The following DCBLD2 variants were observed in gnomAD, a reference collection of about 807,000 sequenced individuals.
DCBLD2 encodes discoidin, CUB and LCCL domain-containing protein 2.
A neutral mutation model predicts 86.8 loss-of-function variants in DCBLD2; 54 were observed. The ratio of observed to expected loss-of-function variants is 0.62; its 90% CI spans 0.50 to 0.78. The LOEUF is 0.78. DCBLD2 is among the 30% of genes least tolerant of loss of function. The probability of loss-of-function intolerance (pLI) is 0.00; values close to 1 mark genes in which losing one functional copy is unlikely to be tolerated. For synonymous variants in DCBLD2, 354 were observed against 341.3 expected (o/e 1.04, Z -0.41); for missense variants, 908 against 954.2 (o/e 0.95, Z 0.64).
chr3:98,901,009 C>A, intron 1 of DCBLD2, 113 bp downstream of exon 1: 1 of 1,503,338 alleles, frequency 6.7e-7, no homozygotes, highest in Middle Eastern at 2.4e-4. Context: ...GGTCCGGCCA[C>A]GCACGAAAGC....
chr3:98,844,549 G>A (rs1270741788), intron 3 of DCBLD2, among the ~76,000 whole-genome samples: 1 of 152,010 alleles, frequency 6.6e-6, no homozygotes, highest in Non-Finnish European at 1.5e-5. Context: ...TTTTAGTAAA[G>A]ACAGGTTTTC....
rs60463776 is a variant in DCBLD2, at chr3:98,870,737, A to AAG, written c.433+10802_433+10803insCT. ...AAGAAAAAGGAAAAGAAAAGAAAGA[A>AAG]AAAGAAAGAAAGAAAGAAAGAAAGA... On this transcript the variant is annotated intron_variant, in intron 2 of 15. Coordinates refer to ENST00000326840, the MANE Select transcript of DCBLD2 (RefSeq NM_080927.4). Among the ~76,000 whole-genome samples the AAG allele has an allele frequency of 9.0e-3, 627 of 69,806 alleles. 13 individuals carry two copies. Among genetic ancestry groups the AAG allele is most frequent in the African/African-American group, 0.033 (574 of 17,454 alleles). 45.8% of individuals were successfully genotyped at this position (69,806 alleles called of 152,430 possible).
chr3:98,861,228 G>C (rs1221013198), intron 2 of DCBLD2, among the ~76,000 whole-genome samples: 4 of 152,036 alleles, frequency 2.6e-5, no homozygotes, highest in Non-Finnish European at 5.9e-5. Flanking sequence ...CATAAAGCAA[G>C]TCCTTAGAGA....
At chr3:98,884,763 T>C (rs1052676092) in intron 1 of DCBLD2, among the ~76,000 whole-genome samples, 1 of 152,184 alleles carries the variant, frequency 6.6e-6, no homozygotes, top group Admixed American at 6.5e-5. Flanking sequence ...AGGCAGCTTT[T>C]AAGGTGATTG....
chr3:98,838,783 G>A (rs1240547274), intron 3 of DCBLD2, among the ~76,000 whole-genome samples: 7 of 152,102 alleles, frequency 4.6e-5, no homozygotes, highest in Non-Finnish European at 8.8e-5. Flanking sequence ...ACGAGACTCC[G>A]TCTGCAATCC....
intron 3 of DCBLD2, among the ~76,000 whole-genome samples, chr3:98,846,519 T>G (rs1184938459): frequency 6.6e-6 from 1 of 152,198 alleles, no homozygotes; most frequent in Non-Finnish European, 1.5e-5. Context: ...TGAATATAGT[T>G]CAGGCAATTC....
Position 98,901,522 on chromosome 3 carries a change from C to A in DCBLD2, c.-196G>T, listed in dbSNP as rs965229657. ...TCCTTCGTCCCTTCCCTCCGCTCCC[C>A]GCGCCGAGACCCCAGGCCGGAGCGC... is the stretch of plus-strand genomic sequence containing the variant. On this transcript the variant is annotated 5_prime_UTR_variant, in exon 1 of 16. Coordinates refer to ENST00000326840, the MANE Select transcript of DCBLD2 (RefSeq NM_080927.4). The A allele has an allele frequency of 2.2e-6, 1 of 454,412 alleles. No homozygotes were observed. The highest frequency in any genetic ancestry group is 3.5e-6 in the Non-Finnish European group (1 of 286,680). The allele number at this position is 454,412 out of a possible 1,614,324, so 28.1% of individuals were successfully genotyped here. A position where few individuals can be genotyped will look rare whatever the true frequency, so the allele number is the denominator to read the frequency against.
chr3:98,844,614 C>T (rs560273543), intron 3 of DCBLD2, among the ~76,000 whole-genome samples: 1 of 152,214 alleles, frequency 6.6e-6, no homozygotes, highest in African/African-American at 2.4e-5. Flanking sequence ...CCACCCGCTT[C>T]GGCCTCCCAA....
At chr3:98,834,369 C>T (rs1324391250) in intron 3 of DCBLD2, among the ~76,000 whole-genome samples, 3 of 147,930 alleles carry the variant, frequency 2.0e-5, no homozygotes, top group African/African-American at 7.4e-5. Context: ...ACCATAGTCA[C>T]CTTACTGATC....
At chr3:98,834,193 G>C (rs1232755397) in intron 3 of DCBLD2, among the ~76,000 whole-genome samples, 1 of 124,464 alleles carries the variant, frequency 8.0e-6, no homozygotes, top group East Asian at 2.7e-4. Flanking sequence ...CATAATAGAT[G>C]TACCTATTTT....
chr3:98,862,948 A>C (rs916356026), intron 2 of DCBLD2, among the ~76,000 whole-genome samples: 1 of 152,224 alleles, frequency 6.6e-6, no homozygotes, highest in Non-Finnish European at 1.5e-5. Flanking sequence ...TTTGCAGATG[A>C]CATGATTGTA....
intron 12 of DCBLD2, among the ~76,000 whole-genome samples, chr3:98,810,585 C>T (rs1401606034): frequency 6.6e-6 from 1 of 152,254 alleles, no homozygotes; most frequent in East Asian, 1.9e-4. Flanking sequence ...TTTTCAACAA[C>T]TAGTAAGACT....
intron 10 of DCBLD2, among the ~76,000 whole-genome samples, chr3:98,812,076 A>C (rs1461372009): frequency 6.6e-6 from 1 of 152,198 alleles, no homozygotes; most frequent in Non-Finnish European, 1.5e-5. Flanking sequence ...ATTGAGATTA[A>C]ATTTGGAAAG....
chr3:98,817,646 A>G, intron 9 of DCBLD2, 123 bp downstream of exon 9: 3 of 891,400 alleles, frequency 3.4e-6, no homozygotes, highest in Non-Finnish European at 4.9e-6. Flanking sequence ...ACCTAAAATA[A>G]CCACAAGAGG....
At chr3:98,808,347 G>T (rs1941878356) in intron 12 of DCBLD2, among the ~76,000 whole-genome samples, 173 bp from the exon 13 acceptor site, 1 of 152,158 alleles carries the variant, frequency 6.6e-6, no homozygotes. Context: ...AGCTTTTGCA[G>T]ATACACAAAA....
intron 2 of DCBLD2, among the ~76,000 whole-genome samples, chr3:98,880,197 T>G (rs1338680122): frequency 1.3e-5 from 2 of 152,188 alleles, no homozygotes; most frequent in Non-Finnish European, 2.9e-5. Flanking sequence ...GAATTTTTCC[T>G]CTGGTAGATA....
At chr3:98,838,601 G>C (rs1188596618) in intron 3 of DCBLD2, among the ~76,000 whole-genome samples, 1 of 150,936 alleles carries the variant, frequency 6.6e-6, no homozygotes. Context: ...CATCCCAGAC[G>C]ATGGGCGGCC....
intron 13 of DCBLD2, among the ~76,000 whole-genome samples, chr3:98,802,475 T>C (rs1941746735): frequency 6.6e-6 from 1 of 152,326 alleles, no homozygotes; most frequent in Admixed American, 6.5e-5. Flanking sequence ...GATGAGTAGA[T>C]TGCAAAAATT....
chr3:98,822,424 ACT>A, intron 5 of DCBLD2, 63 bp from the exon 6 acceptor site: 3 of 1,537,644 alleles, frequency 2.0e-6, no homozygotes, highest in Non-Finnish European at 2.6e-6. Context: ...TAAACAAGAC[ACT>A]CTACTTCCTG....
Sources: allele counts gnomAD v4.1 joint callset (sites outside exome capture counted in the v4.1 genomes callset), GRCh38; gene constraint gnomAD v4.1.1; transcripts MANE v1.5; gene names NCBI Gene and HGNC (gene_info 2026-07-23, HGNC 2026-07-21).